USP47: variants seen among roughly 807,000 people sequenced by gnomAD.
USP47 encodes the protein ubiquitin specific peptidase 47.
Under a neutral mutation model 165.1 loss-of-function variants are expected in USP47, and 35 were observed. The ratio of observed to expected loss-of-function variants is 0.21; its 90% CI spans 0.16 to 0.28. USP47 has a LOEUF of 0.28. Ranked by LOEUF, USP47 falls within the 10% of genes least tolerant of loss-of-function variation. USP47 has a pLI of 1.00. For missense variants in USP47, 1,277 were observed against 1,607.4 expected (o/e 0.79, Z 3.52); for synonymous variants, 531 against 544.5 (o/e 0.98, Z 0.35).
intron 4 of USP47, among the ~76,000 whole-genome samples, chr11:11,895,325 C>G (rs1851780502): frequency 6.6e-6 from 1 of 152,132 alleles, no homozygotes; most frequent in Non-Finnish European, 1.5e-5. Flanking sequence ...ACATTTTCCT[C>G]CAGGGTTCTA....
chr11:11,899,450 C>T (rs542482856), intron 5 of USP47, among the ~76,000 whole-genome samples: 1 of 152,184 alleles, frequency 6.6e-6, no homozygotes, highest in South Asian at 2.1e-4. Flanking sequence ...AGAGAAAGTA[C>T]CTCATTTAGA....
At chr11:11,875,141 TAGAG>T (rs1308881816) in intron 1 of USP47, among the ~76,000 whole-genome samples, 3 of 151,684 alleles carry the variant, frequency 2.0e-5, no homozygotes, top group Admixed American at 6.6e-5. Context: ...AAGAATGTCT[TAGAG>T]AGCATGGGTT....
chr11:11,938,927 G>A (rs1010655507), intron 18 of USP47, among the ~76,000 whole-genome samples: 4 of 151,902 alleles, frequency 2.6e-5, no homozygotes, highest in Non-Finnish European at 5.9e-5. Flanking sequence ...CAGATGCACC[G>A]ATGACCTGAG....
At chr11:11,893,848 T>G (rs1851693096) in intron 4 of USP47, among the ~76,000 whole-genome samples, 1 of 152,234 alleles carries the variant, frequency 6.6e-6, no homozygotes, top group Non-Finnish European at 1.5e-5. Flanking sequence ...GGTTTTGTTT[T>G]AATGTCATCT....
At chr11:11,945,542 C>T (rs1437858659) in intron 20 of USP47, among the ~76,000 whole-genome samples, 3 of 152,026 alleles carry the variant, frequency 2.0e-5, no homozygotes, top group Non-Finnish European at 4.4e-5. Context: ...AGTTATAGTT[C>T]ATAGGCACTT....
At position 11,953,000 on chromosome 11, in the gene USP47, A is replaced by G. The variant is rs1011432709; in HGVS notation, c.3714+129A>G. The G allele has an allele frequency of 3.9e-5, 28 of 721,610 alleles. No homozygotes were observed. In the African/African-American group the frequency reaches 5.2e-4, roughly 13 times the overall value. The allele number at this position is 721,610 out of a possible 1,614,324, so 44.7% of individuals were successfully genotyped here. A position where few individuals can be genotyped will look rare whatever the true frequency, so the allele number is the denominator to read the frequency against. On this transcript the variant is annotated intron_variant, in intron 25 of 27. Transcript: ENST00000527733. ...AAGAGAAAACCTAGGAAGTAGTACC[A>G]AACACTGGTGCAGCAACCTTTCTTT...
chr11:11,908,394 C>T (rs1852724270), intron 8 of USP47, among the ~76,000 whole-genome samples: 1 of 151,982 alleles, frequency 6.6e-6, no homozygotes, highest in South Asian at 2.1e-4. Context: ...CTGTCTCAGC[C>T]TCTCAAAGTG....
intron 10 of USP47, among the ~76,000 whole-genome samples, chr11:11,920,933 TTACC>T (rs1472842681): frequency 6.7e-6 from 1 of 148,252 alleles, no homozygotes; most frequent in Non-Finnish European, 1.5e-5. Flanking sequence ...TTTCTTGTAC[TTACC>T]TACTATTTTG....
At chr11:11,858,487 A>G (rs564007992) in intron 1 of USP47, among the ~76,000 whole-genome samples, 1 of 152,362 alleles carries the variant, frequency 6.6e-6, no homozygotes, top group South Asian at 2.1e-4. Context: ...TAGTCAAAAT[A>G]TAGAATATAT....
At chr11:11,953,954 T>C (rs1054242960) in intron 25 of USP47, among the ~76,000 whole-genome samples, 2 of 152,112 alleles carry the variant, frequency 1.3e-5, no homozygotes, top group African/African-American at 4.8e-5. Context: ...ATTCGATCTG[T>C]AGAAGTATTT....
At position 11,948,473 on chromosome 11, in the gene USP47, T is replaced by TA. The variant is rs556261006; in HGVS notation, c.3268-4dup. The TA allele has an allele frequency of 1.4e-4, 220 of 1,608,812 alleles. 1 individual carries two copies. The South Asian group carries it at 1.9e-3, about 14-fold the overall frequency. On this transcript the variant is annotated splice_region_variant and splice_polypyrimidine_tract_variant and intron_variant, in intron 21 of 27. Transcript: ENST00000527733. ...CATGTCTAAAAAAATGTTTTTAACT[T>TA]ATAGATTACAATTAGACTGGGGAGA...
intron 8 of USP47, among the ~76,000 whole-genome samples, chr11:11,913,360 C>T (rs996288059): frequency 6.7e-6 from 1 of 148,604 alleles, no homozygotes; most frequent in Non-Finnish European, 1.5e-5. Flanking sequence ...AAGATACTAA[C>T]AATGAACATG....
At chr11:11,907,345 T>C (rs1852638355) in intron 8 of USP47, among the ~76,000 whole-genome samples, 1 of 152,194 alleles carries the variant, frequency 6.6e-6, no homozygotes, top group South Asian at 2.1e-4. Flanking sequence ...ACACATGCGC[T>C]AATAGGGCTT....
intron 11 of USP47, among the ~76,000 whole-genome samples, chr11:11,928,428 A>T (rs903862011): frequency 6.6e-6 from 1 of 152,066 alleles, no homozygotes; most frequent in Admixed American, 6.5e-5. Context: ...TTAACAATAT[A>T]TTGTGGTCAG....
At chr11:11,941,295 A>G (rs536432494) in intron 19 of USP47, among the ~76,000 whole-genome samples, 48 of 150,708 alleles carry the variant, frequency 3.2e-4, no homozygotes, top group Admixed American at 7.4e-4. Flanking sequence ...TAAAATTTCT[A>G]ATCCCCTCCA....
intron 1 of USP47, among the ~76,000 whole-genome samples, chr11:11,872,814 A>G (rs1457694870): frequency 1.3e-5 from 2 of 152,238 alleles, no homozygotes; most frequent in African/African-American, 4.8e-5. Context: ...TTAAGGAAAA[A>G]TTATACAAAC....
chr11:11,861,139 A>G (rs1849357850), intron 1 of USP47, among the ~76,000 whole-genome samples: 1 of 151,898 alleles, frequency 6.6e-6, no homozygotes, highest in Admixed American at 6.6e-5. Context: ...CTGTCGCCCA[A>G]GCTGGAGTAT....
chr11:11,845,957 G>T (rs1488534533), intron 1 of USP47, among the ~76,000 whole-genome samples: 1 of 152,192 alleles, frequency 6.6e-6, no homozygotes, highest in Admixed American at 6.5e-5. Context: ...ATGGGAGAGG[G>T]TAGCCTGAGA....
At position 11,942,257 on chromosome 11, in the gene USP47, T is replaced by C. The variant is rs137940284; in HGVS notation, c.2314-78T>C. On this transcript the variant is annotated intron_variant, in intron 19 of 27. Transcript: ENST00000527733. ...TAACATAACTGTGTATTGTGTTGTA[T>C]TGATGCAATATAATGATGATGATGA... The C allele has an allele frequency of 9.2e-6, 13 of 1,415,874 alleles. No homozygotes were observed. In the Admixed American group the frequency reaches 2.3e-4, roughly 25 times the overall value. 87.7% of individuals were successfully genotyped at this position (1,415,874 alleles called of 1,614,324 possible). A position where few individuals can be genotyped will look rare whatever the true frequency, so the allele number is the denominator to read the frequency against.
Sources: allele counts gnomAD v4.1 joint callset (sites outside exome capture counted in the v4.1 genomes callset), GRCh38; gene constraint gnomAD v4.1.1; transcripts MANE v1.5; gene names NCBI Gene and HGNC (gene_info 2026-07-23, HGNC 2026-07-21).